The following RBFOX1 variants were observed in gnomAD, a reference collection of about 807,000 sequenced individuals.
The protein encoded by RBFOX1 is RNA binding protein fox-1 homolog 1.
RBFOX1 carries 8 observed loss-of-function variants against 57.7 expected under a neutral mutation model. The observed-to-expected ratio is 0.14, with a 90% confidence interval of 0.08 to 0.25. The LOEUF (loss-of-function observed/expected upper bound fraction) is 0.25, where lower values mean the gene tolerates loss of function less well. Ranked by LOEUF, RBFOX1 falls within the 10% of genes least tolerant of loss-of-function variation. The pLI is 1.00. For synonymous variants in RBFOX1, 326 were observed against 222.4 expected (o/e 1.47, Z -4.15); for missense variants, 611 against 548.5 (o/e 1.11, Z -1.14).
intron 1 of RBFOX1, among the ~76,000 whole-genome samples, chr16:5,395,750 A>T (rs961586079): frequency 6.6e-6 from 1 of 152,222 alleles, no homozygotes; most frequent in Non-Finnish European, 1.5e-5. Context: ...CCATCTTCCC[A>T]GCAGACTCGC....
chr16:7,435,692 A>G (rs1316138215), intron 4 of RBFOX1, among the ~76,000 whole-genome samples: 1 of 152,228 alleles, frequency 6.6e-6, no homozygotes, highest in Non-Finnish European at 1.5e-5. Context: ...CCCCGAAGCT[A>G]TTTAGCTGTA....
At chr16:7,211,919 A>G (rs1355661686) in intron 4 of RBFOX1, among the ~76,000 whole-genome samples, 1 of 152,112 alleles carries the variant, frequency 6.6e-6, no homozygotes, top group African/African-American at 2.4e-5. Context: ...CCAGCTACCC[A>G]CAGGCGCCGT....
chr16:6,454,801 C>T (rs1315624483), intron 2 of RBFOX1, among the ~76,000 whole-genome samples: 1 of 150,846 alleles, frequency 6.6e-6, no homozygotes, highest in Non-Finnish European at 1.5e-5. Context: ...CTTGCTTCTT[C>T]CCATTTCCAT....
intron 2 of RBFOX1, among the ~76,000 whole-genome samples, chr16:6,397,089 G>A (rs1039229333): frequency 6.6e-6 from 1 of 151,602 alleles, no homozygotes; most frequent in Non-Finnish European, 1.5e-5. Flanking sequence ...ACAGCTATAG[G>A]TACTTGGAGT....
At chr16:6,982,291 A>T (rs1048307102) in intron 3 of RBFOX1, among the ~76,000 whole-genome samples, 1 of 152,188 alleles carries the variant, frequency 6.6e-6, no homozygotes, top group Non-Finnish European at 1.5e-5. Flanking sequence ...AGATTGACCT[A>T]CATTATTCCA....
chr16:5,969,347 T>A (rs147043847), intron 4 of RBFOX1, among the ~76,000 whole-genome samples: 154 of 144,022 alleles, frequency 1.1e-3, no homozygotes, highest in Non-Finnish European at 2.0e-3. Flanking sequence ...AGTCTCTCAC[T>A]GTCACCCGGG....
Position 5,943,827 on chromosome 16 carries a change from A to C in RBFOX1, c.351+76492A>C, listed in dbSNP as rs541489044. Among the ~76,000 whole-genome samples the C allele has an allele frequency of 4.6e-5, 7 of 152,182 alleles. No homozygotes were observed. The East Asian group carries it at 1.2e-3, about 25-fold the overall frequency. On this transcript the variant is annotated intron_variant, in intron 4 of 19. Transcript: ENST00000641259. Reference sequence around the variant, plus strand: ...CACCCACCTACCCACTCACCCATCCATCGACCCACCCATTTATCCACCTAT... The same window carrying C: ...CACCCACCTACCCACTCACCCATCCCTCGACCCACCCATTTATCCACCTAT...
chr16:5,923,158 G>A (rs1416995087), intron 4 of RBFOX1, among the ~76,000 whole-genome samples: 1 of 152,150 alleles, frequency 6.6e-6, no homozygotes, highest in African/African-American at 2.4e-5. Context: ...TAACCAGAGA[G>A]GAAAAACGGC....
At chr16:7,546,489 G>C (rs2084589203) in intron 5 of RBFOX1, among the ~76,000 whole-genome samples, 1 of 152,158 alleles carries the variant, frequency 6.6e-6, no homozygotes, top group Admixed American at 6.5e-5. Context: ...AGAAAATATA[G>C]TATATCCAGA....
intron 3 of RBFOX1, among the ~76,000 whole-genome samples, chr16:6,802,834 G>T (rs1047713831): frequency 6.6e-6 from 1 of 152,184 alleles, no homozygotes; most frequent in Non-Finnish European, 1.5e-5. Context: ...TGGCTATGAA[G>T]AATTTTATAA....
chr16:7,268,390 C>T (rs185417433), intron 4 of RBFOX1, among the ~76,000 whole-genome samples: 1 of 152,166 alleles, frequency 6.6e-6, no homozygotes, highest in African/African-American at 2.4e-5. Flanking sequence ...CTCGCTCTCA[C>T]TCTTACTGGT....
chr16:5,999,599 C>G (rs1269862965), intron 4 of RBFOX1, among the ~76,000 whole-genome samples: 7 of 152,264 alleles, frequency 4.6e-5, no homozygotes, highest in Admixed American at 3.9e-4. Context: ...TGGTGGCTCA[C>G]GCCTGTAATC....
chr16:7,235,113 T>C (rs1567828354), intron 4 of RBFOX1, among the ~76,000 whole-genome samples: 1 of 151,942 alleles, frequency 6.6e-6, no homozygotes, highest in African/African-American at 2.4e-5. Context: ...CTTTAAGAGG[T>C]ATATAAATCT....
chr16:7,452,205 G>C (rs1467355167), intron 4 of RBFOX1, among the ~76,000 whole-genome samples: 1 of 152,188 alleles, frequency 6.6e-6, no homozygotes, highest in Non-Finnish European at 1.5e-5. Flanking sequence ...TAACAATATG[G>C]ATGAAATGTC....
intron 2 of RBFOX1, among the ~76,000 whole-genome samples, chr16:6,480,262 C>A (rs1473365422): frequency 6.6e-6 from 1 of 152,140 alleles, no homozygotes. Flanking sequence ...TACATACACA[C>A]TTTTCACTTA....
chr16:7,536,246 C>T (rs1437262663), intron 5 of RBFOX1, among the ~76,000 whole-genome samples: 3 of 152,192 alleles, frequency 2.0e-5, no homozygotes, highest in African/African-American at 4.8e-5. Context: ...AACAGGGAGA[C>T]ATAAATCAAA....
At chr16:7,270,131 A>T (rs1397417799) in intron 4 of RBFOX1, among the ~76,000 whole-genome samples, 1 of 152,248 alleles carries the variant, frequency 6.6e-6, no homozygotes, top group Non-Finnish European at 1.5e-5. Flanking sequence ...AGGTGGAGCT[A>T]AGATGGGAAC....
At chr16:7,368,414 T>C (rs1596598007) in intron 4 of RBFOX1, among the ~76,000 whole-genome samples, 2 of 152,138 alleles carry the variant, frequency 1.3e-5, no homozygotes, top group South Asian at 2.1e-4. Flanking sequence ...CCAGCATCAT[T>C]CATGGAGTCT....
chr16:6,403,567 C>T (rs1477864641), intron 2 of RBFOX1, among the ~76,000 whole-genome samples: 1 of 152,098 alleles, frequency 6.6e-6, no homozygotes, highest in African/African-American at 2.4e-5. Context: ...TCTCACTATG[C>T]TGATCTCAAA....
Sources: gnomAD v4.1 joint callset for allele counts (sites outside exome capture counted in the v4.1 genomes callset) on GRCh38, gnomAD v4.1.1 for gene constraint, MANE v1.5 for transcripts, NCBI Gene and HGNC (gene_info 2026-07-23, HGNC 2026-07-21) for gene names.